The following MAP2 variants were observed in gnomAD, a reference collection of about 807,000 sequenced individuals.
The protein encoded by MAP2 is microtubule-associated protein 2.
A neutral mutation model predicts 137.6 loss-of-function variants in MAP2; 14 were observed. The observed-to-expected ratio is 0.10, with a 90% CI of 0.07 to 0.16. The LOEUF (loss-of-function observed/expected upper bound fraction) is 0.16, where lower values mean the gene tolerates loss of function less well. MAP2 is among the 10% of genes least tolerant of loss of function. MAP2 has a pLI of 1.00. For synonymous variants in MAP2, 786 were observed against 782.3 expected (o/e 1.00, Z -0.08); for missense variants, 2,088 against 2,191.5 (o/e 0.95, Z 0.94).
intron 3 of MAP2, among the ~76,000 whole-genome samples, chr2:209,588,668 A>T (rs1405381279): frequency 6.6e-6 from 1 of 152,178 alleles, no homozygotes; most frequent in East Asian, 1.9e-4. Flanking sequence ...TCATGTTAAC[A>T]TATACAGAAT....
chr2:209,446,903 C>T (rs1252702024), intron 1 of MAP2, among the ~76,000 whole-genome samples: 1 of 151,840 alleles, frequency 6.6e-6, no homozygotes, highest in African/African-American at 2.4e-5. Flanking sequence ...TCCAAAACTT[C>T]AGAGGTTTGA....
At chr2:209,571,049 C>G (rs1236288657) in intron 2 of MAP2, among the ~76,000 whole-genome samples, 5 of 151,922 alleles carry the variant, frequency 3.3e-5, no homozygotes, top group African/African-American at 9.7e-5. Flanking sequence ...AACATACTCT[C>G]CCTACTAAGG....
chr2:209,659,823 G>A (rs977100299), intron 5 of MAP2, among the ~76,000 whole-genome samples: 1 of 151,980 alleles, frequency 6.6e-6, no homozygotes, highest in East Asian at 1.9e-4. Context: ...TGGATCACGA[G>A]GTCAGGAGAT....
intron 1 of MAP2, among the ~76,000 whole-genome samples, chr2:209,461,953 G>A (rs1203532761): frequency 2.6e-5 from 4 of 151,968 alleles, no homozygotes; most frequent in African/African-American, 9.7e-5. Context: ...TAATCTGGCA[G>A]AAAACCTTCC....
At chr2:209,546,016 A>G (rs2067982688) in intron 2 of MAP2, among the ~76,000 whole-genome samples, 1 of 152,066 alleles carries the variant, frequency 6.6e-6, no homozygotes, top group Non-Finnish European at 1.5e-5. Flanking sequence ...GGTGGCAGGT[A>G]CCTGTAGTCC....
At chr2:209,651,403 A>G (rs1453105251) in intron 4 of MAP2, among the ~76,000 whole-genome samples, 1 of 152,156 alleles carries the variant, frequency 6.6e-6, no homozygotes, top group African/African-American at 2.4e-5. Context: ...TCCTATTCCT[A>G]TGCCAATGTT....
intron 2 of MAP2, among the ~76,000 whole-genome samples, chr2:209,509,672 T>C (rs1392378702): frequency 6.6e-6 from 1 of 151,938 alleles, no homozygotes; most frequent in Non-Finnish European, 1.5e-5. Context: ...TTTTTTCAAC[T>C]ATAACTAAGT....
chr2:209,492,835 A>C (rs1259466317), intron 1 of MAP2, among the ~76,000 whole-genome samples: 2 of 152,236 alleles, frequency 1.3e-5, no homozygotes, highest in Non-Finnish European at 2.9e-5. Flanking sequence ...GATAGGAAGA[A>C]ACAATATCAT....
intron 10 of MAP2, among the ~76,000 whole-genome samples, chr2:209,697,503 T>C (rs983738538): frequency 1.3e-5 from 2 of 152,062 alleles, no homozygotes; most frequent in African/African-American, 4.8e-5. Flanking sequence ...CCACCAAGAA[T>C]GTGTAGTGAT....
chr2:209,438,224 A>G (rs1367117524), intron 1 of MAP2, among the ~76,000 whole-genome samples: 1 of 151,812 alleles, frequency 6.6e-6, no homozygotes, highest in African/African-American at 2.4e-5. Flanking sequence ...TATACATATC[A>G]GATACTTATG....
intron 1 of MAP2, among the ~76,000 whole-genome samples, chr2:209,484,670 A>G (rs1194090923): frequency 6.6e-6 from 1 of 152,206 alleles, no homozygotes. Context: ...AACGTGGGCA[A>G]CAGAGCAAGA....
intron 1 of MAP2, among the ~76,000 whole-genome samples, chr2:209,490,491 TAA>T (rs750687697): frequency 1.3e-5 from 2 of 149,008 alleles, no homozygotes; most frequent in African/African-American, 2.5e-5. Flanking sequence ...GCAAATTGGT[TAA>T]AAGAGTCAAG....
intron 1 of MAP2, among the ~76,000 whole-genome samples, chr2:209,451,428 C>G (rs543098121): frequency 1.4e-4 from 21 of 152,264 alleles, no homozygotes; most frequent in African/African-American, 5.1e-4. Context: ...TGCTAAGATT[C>G]CCACAGTGTC....
At chr2:209,645,275 A>C (rs1439891266) in intron 4 of MAP2, among the ~76,000 whole-genome samples, 1 of 152,242 alleles carries the variant, frequency 6.6e-6, no homozygotes, top group Admixed American at 6.5e-5. Context: ...AAATGCATTA[A>C]GTTTTAATTT....
intron 7 of MAP2, among the ~76,000 whole-genome samples, chr2:209,684,437 C>T (rs189734446): frequency 5.8e-4 from 88 of 152,302 alleles, no homozygotes; most frequent in African/African-American, 1.8e-3. Flanking sequence ...AATGTAAGTG[C>T]GGCCAGCAGC....
intron 1 of MAP2, among the ~76,000 whole-genome samples, chr2:209,482,766 A>G (rs1575855202): frequency 6.6e-6 from 1 of 152,310 alleles, no homozygotes; most frequent in East Asian, 1.9e-4. Flanking sequence ...AGCTCCTTCC[A>G]TTCTACCAAC....
Position 209,700,353 on chromosome 2 carries a change from T to C in MAP2, c.4584+15T>C. The C allele has an allele frequency of 2.5e-6, 4 of 1,600,738 alleles. No homozygotes were observed. The highest frequency in any genetic ancestry group is 3.4e-6 in the Non-Finnish European group (4 of 1,170,604). Reference sequence around the variant, plus strand: ...ACAAAGTCTCTGTGAGTAAAATAAGTTTTTCCTTGTTCTTCATTTGAAGTT... The same window carrying C: ...ACAAAGTCTCTGTGAGTAAAATAAGCTTTTCCTTGTTCTTCATTTGAAGTT... On this transcript the variant is annotated intron_variant, in intron 11 of 15. Transcript: ENST00000682079.
chr2:209,461,037 C>T (rs1702678087), intron 1 of MAP2, among the ~76,000 whole-genome samples: 1 of 152,152 alleles, frequency 6.6e-6, no homozygotes, highest in Non-Finnish European at 1.5e-5. Flanking sequence ...TAGTGAGCCA[C>T]TGTGCCCGGC....
intron 1 of MAP2, among the ~76,000 whole-genome samples, chr2:209,442,618 A>G (rs1698082571): frequency 6.6e-6 from 1 of 151,658 alleles, no homozygotes; most frequent in African/African-American, 2.4e-5. Flanking sequence ...GATATTTAAC[A>G]ACCATTTGTA....
Sources: allele counts gnomAD v4.1 joint callset (sites outside exome capture counted in the v4.1 genomes callset), GRCh38; gene constraint gnomAD v4.1.1; transcripts MANE v1.5; gene names NCBI Gene and HGNC (gene_info 2026-07-23, HGNC 2026-07-21).